Variants in FRMD6 observed in about 807,000 individuals in gnomAD.
The protein encoded by FRMD6 is FERM domain-containing protein 6.
A neutral mutation model predicts 73.2 loss-of-function variants in FRMD6; 37 were observed. The observed-to-expected ratio is 0.51, with a 90% confidence interval of 0.39 to 0.66. The LOEUF (loss-of-function observed/expected upper bound fraction) is 0.66. Ranked by LOEUF, FRMD6 falls within the 30% of genes least tolerant of loss-of-function variation. The probability of loss-of-function intolerance (pLI) is 0.00; values close to 1 mark genes in which losing one functional copy is unlikely to be tolerated. For missense variants in FRMD6, 714 were observed against 780.5 expected (o/e 0.91, Z 1.02); for synonymous variants, 273 against 282.2 (o/e 0.97, Z 0.33).
the FRMD6 span, among the ~76,000 whole-genome samples, chr14:51,479,145 T>A: frequency 6.6e-6 from 1 of 152,242 alleles, no homozygotes; most frequent in Admixed American, 6.5e-5. Context: ...CTTTAACGTT[T>A]CAAGTGAGTG....
At chr14:51,403,351 T>A in the FRMD6 span, among the ~76,000 whole-genome samples, 1 of 152,196 alleles carries the variant, frequency 6.6e-6, no homozygotes, top group Non-Finnish European at 1.5e-5. Flanking sequence ...TTACCTGTAT[T>A]TGAACTTTGT....
chr14:51,669,893 G>A (rs1269295191), intron 1 of FRMD6, among the ~76,000 whole-genome samples: 6 of 149,794 alleles, frequency 4.0e-5, no homozygotes, highest in African/African-American at 1.5e-4. Flanking sequence ...AAGAAAACCA[G>A]GGCAACAAAG....
At chr14:51,708,304 C>T in intron 7 of FRMD6, 71 bp downstream of exon 7, 1 of 1,368,560 alleles carries the variant, frequency 7.3e-7, no homozygotes, top group South Asian at 1.3e-5. Flanking sequence ...AGAAGGAAAA[C>T]CGAAGGATTT....
chr14:51,727,991 G>T lies in FRMD6; in HGVS notation c.1831G>T (p.Asp611Tyr), dbSNP rs1305924761. 6.2e-7 allele frequency: 1 copy of T among 1,612,432 alleles called. No individual in the cohort carries two copies. The highest frequency in any genetic ancestry group is 1.1e-5 in the South Asian group (1 of 91,060). ...VKRTSKYFSL[D>Y]LTHDEVPEFV... ...AAGAACCAGCAAATACTTTTCTCTG[G>T]ATCTCACTCATGATGAAGTTCCAGA... Residue 611 changes from aspartate to tyrosine, a missense_variant, in exon 14 of 14, where the codon GAT (aspartate) becomes TAT (tyrosine). Asp to Tyr is a radical substitution (Grantham distance 160). Transcript: ENST00000344768.
At chr14:51,605,393 T>C (rs1594591801) in intron 2 of FRMD6, among the ~76,000 whole-genome samples, 1 of 152,144 alleles carries the variant, frequency 6.6e-6, no homozygotes, top group Non-Finnish European at 1.5e-5. Context: ...TTACATATAT[T>C]TGCATTACAT....
intron 2 of FRMD6, among the ~76,000 whole-genome samples, chr14:51,627,877 C>T (rs138718678): frequency 2.6e-5 from 4 of 152,328 alleles, no homozygotes; most frequent in African/African-American, 9.6e-5. Flanking sequence ...TCCCCTCTCT[C>T]CTGCAACTGC....
intron 1 of FRMD6, among the ~76,000 whole-genome samples, chr14:51,683,626 A>T (rs1233573987): frequency 6.6e-6 from 1 of 152,010 alleles, no homozygotes; most frequent in East Asian, 1.9e-4. Context: ...TCCCACCCAA[A>T]TAACCTGATA....
the FRMD6 span, among the ~76,000 whole-genome samples, chr14:51,419,375 C>T: frequency 6.6e-6 from 1 of 152,204 alleles, no homozygotes; most frequent in African/African-American, 2.4e-5. Flanking sequence ...GTCTCAATTT[C>T]TTGACCTCGT....
chr14:51,638,452 GAC>G (rs1408368879), intron 2 of FRMD6, among the ~76,000 whole-genome samples: 5 of 152,118 alleles, frequency 3.3e-5, no homozygotes, highest in African/African-American at 1.2e-4. Flanking sequence ...TCCTCCTGGA[GAC>G]ACTTACTGCC....
At chr14:51,711,180 T>G (rs1207417617) in intron 7 of FRMD6, among the ~76,000 whole-genome samples, 2 of 78,694 alleles carry the variant, frequency 2.5e-5, no homozygotes, top group Non-Finnish European at 4.8e-5. Flanking sequence ...GTCAAAAAAA[T>G]CAAACAATGC....
intron 1 of FRMD6, among the ~76,000 whole-genome samples, chr14:51,552,545 C>T (rs182608587): frequency 2.8e-3 from 420 of 152,278 alleles, no homozygotes; most frequent in Non-Finnish European, 3.5e-3. Flanking sequence ...CGATGCATGA[C>T]GGAGAGTCAG....
Position 51,630,509 on chromosome 14 carries a change from G to T in FRMD6, c.-146-59182G>T, listed in dbSNP as rs537741676. On this transcript the variant is annotated intron_variant, in intron 2 of 14. Coordinates refer to the FRMD6 transcript ENST00000356218. ...TCATGCCTGAAATGCCAGCACTTTG[G>T]GAAGCCAAAGTCAGGGGACTGCTTG... 1.5e-4 allele frequency among the ~76,000 whole-genome samples: 23 copies of T among 152,228 alleles called. No homozygotes were observed. The East Asian group carries it at 4.1e-3, about 27-fold the overall frequency.
At chr14:51,453,199 A>C in the FRMD6 span, among the ~76,000 whole-genome samples, 1 of 152,228 alleles carries the variant, frequency 6.6e-6, no homozygotes, top group African/African-American at 2.4e-5. Flanking sequence ...GAGGTGATTA[A>C]TGCATCAGGG....
intron 1 of FRMD6, among the ~76,000 whole-genome samples, chr14:51,661,696 G>A (rs1181346123): frequency 6.6e-6 from 1 of 152,210 alleles, no homozygotes; most frequent in Non-Finnish European, 1.5e-5. Flanking sequence ...ACTGAGAGTT[G>A]CTCATTGGAT....
chr14:51,724,400 G>C (rs1433271007), intron 12 of FRMD6, among the ~76,000 whole-genome samples: 1 of 152,160 alleles, frequency 6.6e-6, no homozygotes, highest in Admixed American at 6.5e-5. Flanking sequence ...CATTTACCAG[G>C]AAATCGAAAA....
At chr14:51,554,748 A>G (rs1163253860) in intron 1 of FRMD6, 2 of 152,226 alleles carry the variant, frequency 1.3e-5, no homozygotes, top group Non-Finnish European at 2.9e-5. Context: ...GAGTCTAAGG[A>G]CACATCCAAT....
the FRMD6 span, chr14:51,454,952 G>A: frequency 5.9e-5 from 9 of 152,222 alleles, no homozygotes; most frequent in East Asian, 1.9e-4. Context: ...TCATTCTAGC[G>A]AATAATTAAA....
the FRMD6 span, among the ~76,000 whole-genome samples, chr14:51,472,041 T>C: frequency 1.4e-4 from 22 of 152,354 alleles, no homozygotes; most frequent in East Asian, 4.1e-3. Flanking sequence ...CAACTGGACC[T>C]GGTAATGCCT....
intron 1 of FRMD6, among the ~76,000 whole-genome samples, chr14:51,653,416 T>C (rs1892576029): frequency 1.3e-5 from 2 of 152,200 alleles, no homozygotes; most frequent in African/African-American, 4.8e-5. Flanking sequence ...GGAGTTGATA[T>C]TTCACAGCAT....
Sources: allele counts gnomAD v4.1 joint callset (sites outside exome capture counted in the v4.1 genomes callset), GRCh38; gene constraint gnomAD v4.1.1; transcripts MANE v1.5; gene names NCBI Gene and HGNC (gene_info 2026-07-23, HGNC 2026-07-21).